The following NSUN4 variants were observed in gnomAD, a reference collection of about 807,000 sequenced individuals.
NSUN4 encodes the protein NOP2/Sun RNA methyltransferase 4.
Under a neutral mutation model 43.8 loss-of-function variants are expected in NSUN4, and 31 were observed. The observed-to-expected ratio is 0.71, with a 90% CI of 0.53 to 0.96. NSUN4 has a LOEUF of 0.96. Ranked by LOEUF, NSUN4 falls within the 40% of genes least tolerant of loss-of-function variation. The pLI is 0.00. For synonymous variants in NSUN4, 167 were observed against 184.1 expected (o/e 0.91, Z 0.75); for missense variants, 439 against 475.6 (o/e 0.92, Z 0.72).
the NSUN4 span, among the ~76,000 whole-genome samples, chr1:46,378,508 A>T: frequency 6.6e-6 from 1 of 151,942 alleles, no homozygotes; most frequent in Admixed American, 6.6e-5. Flanking sequence ...AGGGATTTTG[A>T]GTCTTGAAGA....
In NSUN4 at chr1:46,340,916, A is replaced by G. The variant is rs754167561; in HGVS notation, c.90A>G (p.Lys30=). The change falls in exon 1 of 6, where the codon AAA becomes AAG. Residue 30 remains lysine, a synonymous_variant. Transcript: ENST00000474844. ...TVPRRHRYKK[K]WAATEPKFPA... ...CGCGGAGACATCGATATAAGAAGAA[A>G]TGGGTAAGGTCCGGCTGGGGGCGCA... The G allele has an allele frequency of 6.8e-6, 11 of 1,612,722 alleles. No homozygotes were observed. The Admixed American group carries it at 1.7e-4, about 24-fold the overall frequency.
chr1:46,358,178 C>T (rs1440105955), intron 4 of NSUN4, among the ~76,000 whole-genome samples: 1 of 152,110 alleles, frequency 6.6e-6, no homozygotes, highest in Admixed American at 6.6e-5. Context: ...TCACTGCAAC[C>T]TCCGCCTCCT....
the NSUN4 span, among the ~76,000 whole-genome samples, chr1:46,382,988 G>C: frequency 6.6e-6 from 1 of 152,208 alleles, no homozygotes; most frequent in Non-Finnish European, 1.5e-5. Flanking sequence ...CAGCAGTAGG[G>C]AACCTGTGTG....
At chr1:46,346,413 A>G (rs949914694) in intron 2 of NSUN4, among the ~76,000 whole-genome samples, 1 of 150,018 alleles carries the variant, frequency 6.7e-6, no homozygotes, top group East Asian at 2.0e-4. Flanking sequence ...TTAGCTGGGC[A>G]TGGTGGCACA....
At chr1:46,376,703 TTAGAGAG>T in the NSUN4 span, among the ~76,000 whole-genome samples, 1 of 137,780 alleles carries the variant, frequency 7.3e-6, no homozygotes, top group South Asian at 2.5e-4. Context: ...AGCATTTGCT[TTAGAGAG>T]CATGTGTGTG....
intron 3 of NSUN4, among the ~76,000 whole-genome samples, chr1:46,350,040 G>A (rs537876358): frequency 6.6e-6 from 1 of 152,344 alleles, no homozygotes; most frequent in South Asian, 2.1e-4. Context: ...TATAAGAAGG[G>A]AAATTAGTGT....
At chr1:46,341,246 CTTCCCTCCCTCCCCTCCCCCT>C in intron 1 of NSUN4, 1 of 868,502 alleles carries the variant, frequency 1.2e-6, no homozygotes, top group Non-Finnish European at 1.4e-6. Context: ...CCCCCTTTTA[CTTCCCTCCCTCCCCTCCCCCT>C]TTCCCTTGCC....
chr1:46,362,614 T>G lies in NSUN4; in HGVS notation c.*768T>G, dbSNP rs1663951699. 1 of 152,256 alleles carries G rather than the reference T, an allele frequency of 6.6e-6. No individual in the cohort carries two copies. Among genetic ancestry groups the G allele is most frequent in the South Asian group, 2.1e-4 (1 of 4,836 alleles). 9.4% of individuals were successfully genotyped at this position (152,256 alleles called of 1,614,324 possible). A position where few individuals can be genotyped will look rare whatever the true frequency, so the allele number is the denominator to read the frequency against. ...TGTATGACAGGTAGCTAGGGAGCTC[T>G]TGGAGATGTAGCAGTTGGGATTGTG... On this transcript the variant is annotated 3_prime_UTR_variant, in exon 6 of 6. Coordinates refer to ENST00000474844, the MANE Select transcript of NSUN4 (RefSeq NM_199044.4).
chr1:46,343,806 CA>C (rs1662291259), intron 1 of NSUN4: 4 of 400,524 alleles, frequency 1.0e-5, no homozygotes, highest in Admixed American at 8.8e-5. Flanking sequence ...TCTATGATGG[CA>C]AAAGTCGGAA....
intron 1 of NSUN4, chr1:46,341,610 C>T: frequency 1.7e-6 from 2 of 1,211,838 alleles, no homozygotes; most frequent in Non-Finnish European, 2.0e-6. Flanking sequence ...CCCCTGCCCA[C>T]CCCAGCCGAT....
chr1:46,346,539 G>A lies in NSUN4; in HGVS notation c.438-382G>A, dbSNP rs372237748. Among the ~76,000 whole-genome samples the A allele has an allele frequency of 1.4e-3, 172 of 122,866 alleles. 1 individual carries two copies. The highest frequency in any genetic ancestry group is 5.0e-3 in the African/African-American group (152 of 30,702). 80.6% of individuals were successfully genotyped at this position (122,866 alleles called of 152,430 possible). A position where few individuals can be genotyped will look rare whatever the true frequency, so the allele number is the denominator to read the frequency against. ...CGCACTCCAGCCTGGGCAACAGAGC[G>A]AGACTGTGTCTCAAAAAAAAAAAAA... is the stretch of plus-strand genomic sequence containing the variant. On this transcript the variant is annotated intron_variant, in intron 2 of 5. Transcript: ENST00000474844.
chr1:46,381,752 G>T, the NSUN4 span, among the ~76,000 whole-genome samples: 1 of 152,178 alleles, frequency 6.6e-6, no homozygotes, highest in Non-Finnish European at 1.5e-5. Context: ...ACAAATGAAT[G>T]GTGAGTTGAG....
At chr1:46,382,928 G>C in the NSUN4 span, among the ~76,000 whole-genome samples, 1 of 152,176 alleles carries the variant, frequency 6.6e-6, no homozygotes, top group Non-Finnish European at 1.5e-5. Context: ...TAAAGTTGTT[G>C]GGAGAACAAC....
chr1:46,381,934 C>G, the NSUN4 span, among the ~76,000 whole-genome samples: 1 of 152,182 alleles, frequency 6.6e-6, no homozygotes, highest in Non-Finnish European at 1.5e-5. Context: ...AACAGAGGCA[C>G]TCAATCCTCA....
At chr1:46,372,936 G>T in the NSUN4 span, among the ~76,000 whole-genome samples, 2 of 152,082 alleles carry the variant, frequency 1.3e-5, no homozygotes, top group Non-Finnish European at 2.9e-5. Flanking sequence ...GGCCAGGTTG[G>T]TCTCGAACTC....
chr1:46,377,915 A>C, the NSUN4 span, among the ~76,000 whole-genome samples: 1 of 152,174 alleles, frequency 6.6e-6, no homozygotes, highest in Non-Finnish European at 1.5e-5. Context: ...GTATCCAAAG[A>C]AGGCATGGGT....
the NSUN4 span, among the ~76,000 whole-genome samples, chr1:46,384,477 G>A: frequency 5.3e-5 from 8 of 152,118 alleles, 1 homozygote; most frequent in East Asian, 5.8e-4. Flanking sequence ...CACCCATTAC[G>A]GCTGTGAGGG....
the NSUN4 span, among the ~76,000 whole-genome samples, chr1:46,372,911 C>T: frequency 7.9e-5 from 12 of 152,162 alleles, no homozygotes; most frequent in East Asian, 5.8e-4. Flanking sequence ...TTAGTAGAGA[C>T]GGTTTCGCCA....
downstream of NSUN4, among the ~76,000 whole-genome samples, chr1:46,368,060 C>G (rs531280478): frequency 6.6e-6 from 1 of 151,942 alleles, no homozygotes; most frequent in Non-Finnish European, 1.5e-5. Flanking sequence ...CCACTGCGCC[C>G]AGCCACAATC....
Sources: allele counts gnomAD v4.1 joint callset (sites outside exome capture counted in the v4.1 genomes callset), GRCh38; gene constraint gnomAD v4.1.1; transcripts MANE v1.5; gene names NCBI Gene and HGNC (gene_info 2026-07-23, HGNC 2026-07-21).